Variants in JAK1 observed in about 807,000 individuals in gnomAD.
JAK1 encodes tyrosine-protein kinase JAK1.
JAK1 carries 16 observed loss-of-function variants against 136.6 expected under a neutral mutation model. The observed-to-expected ratio is 0.12, with a 90% CI of 0.08 to 0.18. The LOEUF (loss-of-function observed/expected upper bound fraction) is 0.18. Among genes scored for constraint, JAK1 ranks in the 10% least tolerant of loss-of-function variants. The pLI is 1.00. For missense variants in JAK1, 859 were observed against 1,450.1 expected, an observed-to-expected ratio of 0.59 and a Z score of 6.62; for synonymous variants, 492 against 519.5, an observed-to-expected ratio of 0.95 and a Z score of 0.72.
At chr1:64,873,597 A>G in intron 4 of JAK1, 74 bp from the exon 5 acceptor site, 2 of 1,576,718 alleles carry the variant, frequency 1.3e-6, no homozygotes, top group East Asian at 4.5e-5. Flanking sequence ...TGGCTCACCA[A>G]CAGTGGTCAG....
In JAK1 at chr1:65,052,400, G is replaced by A. The variant is rs147394278; in HGVS notation, c.-180-7818C>T. Reference sequence around the variant, plus strand: ...TGTGGTTACAAATGATGACTAGGCCGGGCATGGTGGCTCACACCTGTAATC... The same window carrying A: ...TGTGGTTACAAATGATGACTAGGCCAGGCATGGTGGCTCACACCTGTAATC... On this transcript the variant is annotated intron_variant, in intron 1 of 25. Coordinates refer to the JAK1 transcript ENST00000671954. Among the ~76,000 whole-genome samples, 407 of 152,184 alleles carry A rather than the reference G, an allele frequency of 2.7e-3. 3 individuals are homozygous for A. The highest frequency in any genetic ancestry group is 8.5e-3 in the African/African-American group (354 of 41,530).
At position 64,939,771 on chromosome 1, in the gene JAK1, T is replaced by A. The variant is rs1645855188; in HGVS notation, c.-78+26562A>T. 2.0e-5 allele frequency among the ~76,000 whole-genome samples: 3 copies of A among 152,328 alleles called. No homozygotes were observed. The South Asian group carries it at 6.2e-4, about 32-fold the overall frequency. On this transcript the variant is annotated intron_variant, in intron 1 of 24. Coordinates refer to ENST00000342505, the MANE Select transcript of JAK1 (RefSeq NM_002227.4). ...AATCCAGCTGGTATTATGCCACTAC[T>A]GTATGTGTGCTATATAAGTCAATAA...
Position 64,837,949 on chromosome 1 carries a change from C to G in JAK1, c.3123G>C (p.Arg1041=), listed in dbSNP as rs1255624375. The G allele has an allele frequency of 6.2e-7, 1 of 1,613,274 alleles. No homozygotes were observed. Among genetic ancestry groups the G allele is most frequent in the Admixed American group, 1.7e-5 (1 of 59,934 alleles). ...TCAGTTACCAAAACACAGGGCTGTC[C>G]CGGTCATCCTTGACGGTGTAATACT... The part of the protein sequence containing the change: ...DKEYYTVKDD[R]DSPVFWYAPE... The change falls in exon 22 of 25, where the codon CGG becomes CGC. Residue 1041 remains arginine, a synonymous_variant. Transcript: ENST00000342505.
chr1:64,836,822 C>T (rs1014585921), intron 22 of JAK1, among the ~76,000 whole-genome samples: 5 of 152,184 alleles, frequency 3.3e-5, no homozygotes, highest in Admixed American at 6.5e-5. Flanking sequence ...GACTCCCTGG[C>T]TCCAGACTCC....
Position 64,860,181 on chromosome 1 carries a change from G to A in JAK1, c.1258C>T (p.His420Tyr), listed in dbSNP as rs2101073325. The A allele has an allele frequency of 6.2e-7, 1 of 1,609,062 alleles. No individual in the cohort carries two copies. The highest frequency in any genetic ancestry group is 8.5e-7 in the Non-Finnish European group (1 of 1,176,424). ...DGYFRLTADA[H>Y]HYLCTDVAPP... Reference sequence around the variant, plus strand: ...GCCACGTCGGTGCAGAGGTAATGATGGGCATCTGCTGTGAGCCGGAAGTAG... The same window carrying A: ...GCCACGTCGGTGCAGAGGTAATGATAGGCATCTGCTGTGAGCCGGAAGTAG... The change falls in exon 9 of 25, where the codon CAT becomes TAT. Residue 420 changes from histidine (H) to tyrosine (Y), a missense_variant. By Grantham distance (83) the His-to-Tyr change is moderately conservative. Transcript: ENST00000342505.
At position 65,005,495 on chromosome 1, in the gene JAK1, C is replaced by T. The variant is rs534854531; in HGVS notation, c.-78+38985G>A. Reference sequence around the variant, plus strand: ...GTTCTATAGCACTATAGGGTGCATACGGGTAACAATAATTTAATGTATTTT... The same window carrying T: ...GTTCTATAGCACTATAGGGTGCATATGGGTAACAATAATTTAATGTATTTT... On this transcript the variant is annotated intron_variant, in intron 2 of 25. Coordinates refer to the JAK1 transcript ENST00000671954. 1.1e-4 allele frequency among the ~76,000 whole-genome samples: 17 copies of T among 152,092 alleles called. 1 individual carries two copies. Among genetic ancestry groups the T allele is most frequent in the African/African-American group, 3.6e-4 (15 of 41,458 alleles).
At chr1:64,893,848 C>A (rs1378388085) in intron 1 of JAK1, among the ~76,000 whole-genome samples, 1 of 152,154 alleles carries the variant, frequency 6.6e-6, no homozygotes, top group Non-Finnish European at 1.5e-5. Flanking sequence ...AGTCATCTGA[C>A]AAAGCTTGAA....
At chr1:64,970,145 A>AAAAAAC (rs1553177021), upstream of JAK1, among the ~76,000 whole-genome samples, 1 of 148,866 alleles carries the variant, frequency 6.7e-6, no homozygotes, top group Non-Finnish European at 1.5e-5. Flanking sequence ...AAAAAAAAAA[A>AAAAAAC]AAAAAAAAAA....
At chr1:64,872,636 T>C (rs934830407) in intron 5 of JAK1, among the ~76,000 whole-genome samples, 3 of 152,238 alleles carry the variant, frequency 2.0e-5, no homozygotes, top group African/African-American at 7.2e-5. Flanking sequence ...TACAAGTGCC[T>C]GAGGCAAATA....
chr1:64,869,729 G>A (rs34244165), intron 5 of JAK1, among the ~76,000 whole-genome samples: 3,206 of 152,246 alleles, frequency 0.021, 144 homozygotes, highest in African/African-American at 0.074. Flanking sequence ...ACAGACATAC[G>A]AAGTCCCTTC....
intron 2 of JAK1, among the ~76,000 whole-genome samples, chr1:65,005,988 A>G (rs1266393734): frequency 6.6e-6 from 1 of 152,240 alleles, no homozygotes; most frequent in Non-Finnish European, 1.5e-5. Context: ...CACCAGTCAC[A>G]CCCATTTTAG....
At chr1:64,967,612 AT>A (rs1646408411), upstream of JAK1, among the ~76,000 whole-genome samples, 1 of 152,160 alleles carries the variant, frequency 6.6e-6, no homozygotes, top group Non-Finnish European at 1.5e-5. Context: ...ACAGTTCCTG[AT>A]CACTTGAGTT....
At chr1:65,029,948 G>T (rs1011327963) in intron 2 of JAK1, among the ~76,000 whole-genome samples, 1 of 148,288 alleles carries the variant, frequency 6.7e-6, no homozygotes, top group Admixed American at 6.8e-5. Flanking sequence ...GAACTTAAAA[G>T]TTAAAAAGTT....
At chr1:64,974,216 C>T (rs1646478843) in intron 2 of JAK1, 1 of 152,132 alleles carries the variant, frequency 6.6e-6, no homozygotes, top group Non-Finnish European at 1.5e-5. Context: ...GAACTTCCTC[C>T]CCCAACTTCT....
intron 1 of JAK1, among the ~76,000 whole-genome samples, chr1:64,945,654 C>T (rs1645971252): frequency 6.8e-6 from 1 of 146,706 alleles, no homozygotes; most frequent in South Asian, 2.1e-4. Flanking sequence ...CTTAAGGAAA[C>T]AGGGAACGAA....
chr1:64,855,540 C>A lies in JAK1; in HGVS notation c.1617G>T (p.Met539Ile), dbSNP rs2101049904. 6.2e-7 allele frequency: 1 copy of A among 1,614,128 alleles called. No homozygotes were observed. Among genetic ancestry groups the A allele is most frequent in the Non-Finnish European group, 8.5e-7 (1 of 1,179,998 alleles). ...GCTTGGGCTGGCAGCAGCGTTTTAG[C>A]ATGAAGCTGATGTTATCCGTGCGCA... ...QILRTDNISF[M>I]LKRCCQPKPR... Residue 539 changes from methionine (M) to isoleucine (I), a missense_variant, in exon 11 of 25, where the codon ATG becomes ATT. Met to Ile is a conservative substitution (Grantham distance 10). Coordinates refer to ENST00000342505, the MANE Select transcript of JAK1 (RefSeq NM_002227.4).
chr1:64,866,020 A>G (rs1020988782), intron 7 of JAK1, among the ~76,000 whole-genome samples: 1 of 152,196 alleles, frequency 6.6e-6, no homozygotes, highest in East Asian at 1.9e-4. Flanking sequence ...TCAGCCTCCC[A>G]AAGTGCTGGG....
chr1:65,052,810 A>G (rs1395905835), intron 1 of JAK1, among the ~76,000 whole-genome samples: 1 of 146,204 alleles, frequency 6.8e-6, no homozygotes, highest in East Asian at 2.0e-4. Context: ...CAGCCTGGGC[A>G]ACACTCCAGT....
At position 64,834,301 on chromosome 1, in the gene JAK1, A is replaced by T. The variant is rs1654329875; in HGVS notation, c.*261T>A. On this transcript the variant is annotated 3_prime_UTR_variant, in exon 25 of 25. Coordinates refer to ENST00000342505, the MANE Select transcript of JAK1 (RefSeq NM_002227.4). ...ATGGTGGTATATTCTTTCCACAAGG[A>T]GGAGTGCTTAAGTGCTTTCAAATAT... is the stretch of plus-strand genomic sequence containing the variant. 1 of 303,432 alleles carries T rather than the reference A, an allele frequency of 3.3e-6. No individual in the cohort carries two copies. The highest frequency in any genetic ancestry group is 6.2e-6 in the Non-Finnish European group (1 of 161,626). 18.8% of individuals were successfully genotyped at this position (303,432 alleles called of 1,614,324 possible). A position where few individuals can be genotyped will look rare whatever the true frequency, so the allele number is the denominator to read the frequency against.
Sources: allele counts gnomAD v4.1 joint callset (sites outside exome capture counted in the v4.1 genomes callset), GRCh38; gene constraint gnomAD v4.1.1; transcripts MANE v1.5; gene names NCBI Gene and HGNC (gene_info 2026-07-23, HGNC 2026-07-21).